Variants in TBC1D8B observed in about 807,000 individuals in gnomAD.
The protein encoded by TBC1D8B is TBC1 domain family member 8B, also known as RP11-321G1.1.
TBC1D8B carries 75 observed loss-of-function variants against 82.9 expected under a neutral mutation model. The observed-to-expected ratio is 0.90, with a 90% CI of 0.75 to 1.10. The LOEUF is 1.10. TBC1D8B is among the 50% of genes least tolerant of loss of function. TBC1D8B has a pLI of 0.00. For missense variants in TBC1D8B, 794 were observed against 796.9 expected (o/e 1.00, Z 0.04); for synonymous variants, 276 against 276.8 (o/e 1.00, Z 0.03).
chrX:106,837,944 G>A (rs773206943), intron 7 of TBC1D8B, among the ~76,000 whole-genome samples: 1 of 111,191 alleles, frequency 9.0e-6, no homozygotes, highest in African/African-American at 3.3e-5. Flanking sequence ...ATATATTTGT[G>A]CTTATTTAAC....
intron 7 of TBC1D8B, among the ~76,000 whole-genome samples, chrX:106,832,115 A>G (rs1011878605): frequency 4.5e-5 from 5 of 111,377 alleles, no homozygotes; most frequent in African/African-American, 1.3e-4. Flanking sequence ...ACTTTTGTAC[A>G]AACAGCAAGA....
intron 16 of TBC1D8B, among the ~76,000 whole-genome samples, chrX:106,866,506 T>C (rs972748089): frequency 2.1e-4 from 24 of 112,112 alleles, no homozygotes; most frequent in African/African-American, 7.8e-4. Flanking sequence ...TGAAGAACAG[T>C]TCTCTCCTGC....
At position 106,869,539 on chromosome X, in the gene TBC1D8B, A is replaced by G. The variant is rs754929788; in HGVS notation, c.2867A>G (p.Lys956Arg). 1.7e-6 allele frequency: 2 copies of G among 1,200,737 alleles called. No homozygotes were observed. Among genetic ancestry groups the G allele is most frequent in the Non-Finnish European group, 2.3e-6 (2 of 886,430 alleles). ...EAESAKHSPE[K>R]GKGKIDIQAY... ...GAATCAGCAAAACACAGCCCTGAAAAAGGTACTATGATCTAGGAGTTATCA... is the reference window on the plus strand; with the variant it reads ...GAATCAGCAAAACACAGCCCTGAAAGAGGTACTATGATCTAGGAGTTATCA... Residue 956 changes from lysine to arginine, a missense_variant and splice_region_variant, in exon 19 of 21, where the codon AAA (lysine) becomes AGA (arginine). Transcript: ENST00000357242.
intron 16 of TBC1D8B, 34 bp downstream of exon 16, chrX:106,866,067 G>GCTCCT: frequency 8.5e-7 from 1 of 1,175,952 alleles, no homozygotes; most frequent in Non-Finnish European, 1.1e-6. Flanking sequence ...AAAAAAAGGT[G>GCTCCT]CTCCTAGAAA....
intron 7 of TBC1D8B, among the ~76,000 whole-genome samples, chrX:106,838,961 T>C (rs1932238518): frequency 1.8e-5 from 2 of 111,908 alleles, no homozygotes; most frequent in African/African-American, 6.5e-5. Flanking sequence ...ACCCACAGAC[T>C]CTTCTGGTCT....
At chrX:106,852,452 G>A (rs1466532273) in intron 12 of TBC1D8B, among the ~76,000 whole-genome samples, 2 of 110,765 alleles carry the variant, frequency 1.8e-5, no homozygotes, top group Non-Finnish European at 3.8e-5. Flanking sequence ...GGCTTTTGTT[G>A]CCATTGCTTT....
Position 106,840,778 on chromosome X carries a change from G to C in TBC1D8B, c.1613G>C (p.Arg538Pro). The C allele has an allele frequency of 8.3e-7, 1 of 1,210,924 alleles. No individual in the cohort carries two copies. The highest frequency in any genetic ancestry group is 1.1e-6 in the Non-Finnish European group (1 of 895,083). The change falls in exon 10 of 21, where the codon CGC becomes CCC. Residue 538 changes from arginine (R) to proline (P), a missense_variant. Coordinates refer to ENST00000357242, the MANE Select transcript of TBC1D8B (RefSeq NM_017752.3). Reference protein sequence around the residue: ...ATEEIERDLRRSLPEHPAFQS... With the variant: ...ATEEIERDLRPSLPEHPAFQS... ...GAAGAAATTGAACGTGATTTACGTC[G>C]CTCTCTGCCTGAGCACCCAGCCTTT...
chrX:106,820,930 A>G lies in TBC1D8B; in HGVS notation c.295A>G (p.Met99Val). 4.2e-6 allele frequency: 5 copies of G among 1,191,593 alleles called. No homozygotes were observed. Among genetic ancestry groups the G allele is most frequent in the Non-Finnish European group, 5.6e-6 (5 of 886,107 alleles). The change falls in exon 3 of 21, where the codon ATG becomes GTG. Residue 99 changes from methionine (M) to valine (V), a missense_variant. Physicochemically the swap from Met to Val is conservative, Grantham distance 21. Coordinates refer to ENST00000357242, the MANE Select transcript of TBC1D8B (RefSeq NM_017752.3). ...TTGGGATTGGTTGGAACAAAATATT[A>G]TGAAGACCTTATCTGTATTTGATTC... is the stretch of plus-strand genomic sequence containing the variant. Reference protein sequence around the residue: ...KHWDWLEQNIMKTLSVFDSNE... With the variant: ...KHWDWLEQNIVKTLSVFDSNE...
At chrX:106,844,735 TA>T (rs1363355318) in intron 10 of TBC1D8B, among the ~76,000 whole-genome samples, 13 of 109,873 alleles carry the variant, frequency 1.2e-4, no homozygotes, top group African/African-American at 4.3e-4. Flanking sequence ...TTTGGGTGTC[TA>T]GGTTTCTTAG....
intron 1 of TBC1D8B, among the ~76,000 whole-genome samples, chrX:106,813,448 T>C (rs1215483065): frequency 8.9e-6 from 1 of 111,965 alleles, no homozygotes; most frequent in Admixed American, 9.5e-5. Context: ...AGCAATTTTC[T>C]TTCTACATAG....
chrX:106,861,783 G>A (rs376983284), intron 14 of TBC1D8B, among the ~76,000 whole-genome samples: 7 of 110,480 alleles, frequency 6.3e-5, no homozygotes, highest in African/African-American at 9.9e-5. Flanking sequence ...CTGATATCAT[G>A]TTGTTAGCTG....
At chrX:106,843,626 G>A (rs953733195) in intron 10 of TBC1D8B, among the ~76,000 whole-genome samples, 2 of 111,189 alleles carry the variant, frequency 1.8e-5, no homozygotes, top group African/African-American at 6.5e-5. Context: ...TTGCAATCAG[G>A]AAGTGTGAGT....
intron 5 of TBC1D8B, 133 bp downstream of exon 5, chrX:106,823,599 T>G (rs1602412125): frequency 3.1e-6 from 2 of 649,859 alleles, no homozygotes; most frequent in East Asian, 3.5e-5. Flanking sequence ...TGTGGGTGTG[T>G]GTGTGTTTTG....
Position 106,820,004 on chromosome X carries a change from G to A in TBC1D8B, c.242-873G>A, listed in dbSNP as rs189433304. ...TTACTCTTGCTATGGTGACTTAGTA[G>A]CATGAATAAAATTCTGATTGAATTG... On this transcript the variant is annotated intron_variant, in intron 2 of 20. Coordinates refer to ENST00000357242, the MANE Select transcript of TBC1D8B (RefSeq NM_017752.3). Among the ~76,000 whole-genome samples, 105 of 110,536 alleles carry A rather than the reference G, an allele frequency of 9.5e-4. 2 individuals are homozygous for A. Among genetic ancestry groups the A allele is most frequent in the African/African-American group, 3.3e-3 (101 of 30,606 alleles).
chrX:106,840,313 A>T lies in TBC1D8B; in HGVS notation c.1504+115A>T, dbSNP rs1932274583. ...AGATGGTTAATACAAAGTCTTACTC[A>T]TCTTGAGTTCGGACTAGTCAAAGAA... On this transcript the variant is annotated intron_variant, in intron 9 of 20. Coordinates refer to ENST00000357242, the MANE Select transcript of TBC1D8B (RefSeq NM_017752.3). 7 of 799,394 alleles carry T rather than the reference A, an allele frequency of 8.8e-6. No homozygotes were observed. The East Asian group carries it at 2.3e-4, about 27-fold the overall frequency. 65.9% of individuals were successfully genotyped at this position (799,394 alleles called of 1,213,427 possible).
chrX:106,840,016 A>G (rs1208259532), intron 8 of TBC1D8B, 32 bp from the exon 9 acceptor site: 2 of 1,162,563 alleles, frequency 1.7e-6, no homozygotes, highest in Middle Eastern at 2.4e-4. Context: ...TTCTCACTAA[A>G]TTTAGTTGTT....
intron 10 of TBC1D8B, among the ~76,000 whole-genome samples, chrX:106,843,256 C>T (rs745345586): frequency 7.2e-5 from 8 of 111,498 alleles, no homozygotes; most frequent in African/African-American, 2.3e-4. Flanking sequence ...AACATTTTGG[C>T]GCACTGTCAA....
chrX:106,827,119 T>C, intron 6 of TBC1D8B, 51 bp from the exon 7 acceptor site: 2 of 1,166,570 alleles, frequency 1.7e-6, no homozygotes, highest in East Asian at 6.0e-5. Flanking sequence ...TACTTGAAGG[T>C]GTCAACAATA....
chrX:106,845,348 T>C (rs953556911), intron 10 of TBC1D8B, among the ~76,000 whole-genome samples: 2 of 109,755 alleles, frequency 1.8e-5, no homozygotes, highest in Non-Finnish European at 3.8e-5. Flanking sequence ...GTGCACAATG[T>C]GCAGGTTAGT....
Sources: allele counts gnomAD v4.1 joint callset (sites outside exome capture counted in the v4.1 genomes callset), GRCh38; gene constraint gnomAD v4.1.1; transcripts MANE v1.5; gene names NCBI Gene and HGNC (gene_info 2026-07-23, HGNC 2026-07-21).